ZNF254: variants seen among roughly 807,000 people sequenced by gnomAD.
ZNF254 encodes zinc finger protein 254.
Under a neutral mutation model 12.4 loss-of-function variants are expected in ZNF254, and 10 were observed. That is an observed-to-expected ratio of 0.80 (90% CI 0.50 to 1.36). The LOEUF is 1.36. Ranked by LOEUF, ZNF254 falls within the 40% of genes most tolerant of loss-of-function variation. ZNF254 has a pLI of 0.00. For synonymous variants in ZNF254, 305 were observed against 253.4 expected (o/e 1.20, Z -1.93); for missense variants, 996 against 763.9 (o/e 1.30, Z -3.58).
rs1158128872 is a variant in ZNF254, at chr19:24,128,512, T to A, written c.*532T>A. 6.6e-6 allele frequency: 1 copy of A among 152,176 alleles called. No homozygotes were observed. Among genetic ancestry groups the A allele is most frequent in the East Asian group, 1.9e-4 (1 of 5,202 alleles). 9.4% of individuals were successfully genotyped at this position (152,176 alleles called of 1,614,324 possible). A position where few individuals can be genotyped will look rare whatever the true frequency, so the allele number is the denominator to read the frequency against. Reference sequence around the variant, plus strand: ...TGTACCACAGATCTTATTGTACACATTTTATACTAGAGAAAAACCCTCAGG... The same window carrying A: ...TGTACCACAGATCTTATTGTACACAATTTATACTAGAGAAAAACCCTCAGG... On this transcript the variant is annotated 3_prime_UTR_variant, in exon 4 of 4. Transcript: ENST00000357002.
At chr19:24,113,248 A>G (rs1011440907) in intron 3 of ZNF254, among the ~76,000 whole-genome samples, 19 of 152,338 alleles carry the variant, frequency 1.2e-4, no homozygotes, top group African/African-American at 3.8e-4. Flanking sequence ...TTTTAGACCA[A>G]TATCCTTGAT....
At chr19:24,089,762 TC>T (rs1253824841) in intron 1 of ZNF254, among the ~76,000 whole-genome samples, 1 of 152,108 alleles carries the variant, frequency 6.6e-6, no homozygotes, top group Non-Finnish European at 1.5e-5. Context: ...AACCCAGCTT[TC>T]ATTTCTTAAA....
intron 1 of ZNF254, among the ~76,000 whole-genome samples, chr19:24,044,493 G>T (rs1194529973): frequency 6.6e-6 from 1 of 151,290 alleles, no homozygotes; most frequent in Non-Finnish European, 1.5e-5. Flanking sequence ...AGCCGAGATC[G>T]CGCCACTGCA....
In ZNF254 at chr19:24,105,997, C is replaced by T. The variant is rs1325574350; in HGVS notation, c.88C>T (p.Leu30=). Residue 30 remains leucine, a synonymous_variant, in exon 2 of 4, where the codon CTG becomes TTG. Coordinates refer to ENST00000357002, the MANE Select transcript of ZNF254 (RefSeq NM_203282.4). ...IEFSLEEWQH[L]DIAQQNLYRN... ...ATTCTCTCTGGAGGAGTGGCAACACCTGGACATTGCACAGCAGAATTTATA... is the reference window on the plus strand; with the variant it reads ...ATTCTCTCTGGAGGAGTGGCAACACTTGGACATTGCACAGCAGAATTTATA... 4 of 1,600,568 alleles carry T rather than the reference C, an allele frequency of 2.5e-6. No homozygotes were observed. The East Asian group carries it at 6.7e-5, about 27-fold the overall frequency.
At chr19:24,118,043 CT>C (rs1346513995) in intron 3 of ZNF254, among the ~76,000 whole-genome samples, 3 of 149,738 alleles carry the variant, frequency 2.0e-5, no homozygotes, top group South Asian at 2.1e-4. Context: ...ACATGGGTTT[CT>C]TTTTTTTCTT....
chr19:24,058,341 T>G (rs1030687551), intron 2 of ZNF254, among the ~76,000 whole-genome samples: 1 of 152,070 alleles, frequency 6.6e-6, no homozygotes, highest in African/African-American at 2.4e-5. Context: ...CTTTCCACAT[T>G]AGGCATTGGG....
chr19:24,090,922 G>GTT (rs35449033), intron 1 of ZNF254, among the ~76,000 whole-genome samples: 13 of 126,794 alleles, frequency 1.0e-4, no homozygotes, highest in African/African-American at 2.9e-4. Context: ...TCTCGGACAT[G>GTT]TTTTTTTTTA....
At chr19:24,112,853 C>T (rs957345889) in intron 3 of ZNF254, among the ~76,000 whole-genome samples, 3 of 152,024 alleles carry the variant, frequency 2.0e-5, no homozygotes, top group Admixed American at 2.0e-4. Context: ...GGAATATCAC[C>T]ACTGATCCCA....
intron 3 of ZNF254, among the ~76,000 whole-genome samples, chr19:24,112,965 C>A (rs183571884): frequency 1.5e-4 from 23 of 152,142 alleles, no homozygotes; most frequent in Admixed American, 1.1e-3. Context: ...CATACACTCT[C>A]CCAAGAGTAA....
chr19:24,085,577 G>A (rs1972008909), upstream of ZNF254, among the ~76,000 whole-genome samples: 1 of 151,404 alleles, frequency 6.6e-6, no homozygotes, highest in African/African-American at 2.4e-5. Context: ...TTTGAGACCA[G>A]CCTGAACAGC....
intron 3 of ZNF254, among the ~76,000 whole-genome samples, chr19:24,117,918 A>G (rs575900690): frequency 6.6e-6 from 1 of 151,932 alleles, no homozygotes; most frequent in Non-Finnish European, 1.5e-5. Flanking sequence ...TGCATATTTT[A>G]TATATAGATT....
At chr19:24,037,398 T>G (rs1451907913) in intron 1 of ZNF254, among the ~76,000 whole-genome samples, 2 of 152,232 alleles carry the variant, frequency 1.3e-5, no homozygotes, top group African/African-American at 4.8e-5. Context: ...TTTCCTTTTC[T>G]TAAAGCATTT....
intron 1 of ZNF254, among the ~76,000 whole-genome samples, chr19:24,043,396 G>A (rs1970252533): frequency 6.6e-6 from 1 of 152,104 alleles, no homozygotes; most frequent in Admixed American, 6.6e-5. Flanking sequence ...CGAGTAGCTG[G>A]TACGACAGGT....
intron 3 of ZNF254, among the ~76,000 whole-genome samples, chr19:24,118,323 A>T (rs1300048078): frequency 6.6e-6 from 1 of 152,122 alleles, no homozygotes; most frequent in East Asian, 1.9e-4. Context: ...AAGTGCTGGG[A>T]TTACAGGCGT....
rs1244446454 is a variant in ZNF254, at chr19:24,129,176, C to T, written c.*1196C>T. ...GAGGTAGGTGTTCAGAATAATATTCCTCTGCATTATTATGAATGAAAAGCA... is the reference window on the plus strand; with the variant it reads ...GAGGTAGGTGTTCAGAATAATATTCTTCTGCATTATTATGAATGAAAAGCA... On this transcript the variant is annotated 3_prime_UTR_variant, in exon 4 of 4. Transcript: ENST00000357002. 1.3e-5 allele frequency: 2 copies of T among 151,778 alleles called. No homozygotes were observed. The highest frequency in any genetic ancestry group is 1.3e-4 in the Admixed American group (2 of 15,230). The allele number at this position is 151,778 out of a possible 1,614,324, so 9.4% of individuals were successfully genotyped here.
intron 2 of ZNF254, among the ~76,000 whole-genome samples, chr19:24,070,251 C>T (rs1971434107): frequency 6.6e-6 from 1 of 152,234 alleles, no homozygotes; most frequent in Non-Finnish European, 1.5e-5. Flanking sequence ...TTGCGACTCA[C>T]ATGCATATTG....
At chr19:24,063,264 C>T (rs1445990809) in intron 2 of ZNF254, among the ~76,000 whole-genome samples, 1 of 152,230 alleles carries the variant, frequency 6.6e-6, no homozygotes, top group Non-Finnish European at 1.5e-5. Context: ...GACCTTTCTA[C>T]AAGTGTCATG....
intron 2 of ZNF254, among the ~76,000 whole-genome samples, chr19:24,074,930 G>A (rs1320152538): frequency 2.0e-5 from 3 of 152,074 alleles, no homozygotes; most frequent in African/African-American, 7.2e-5. Context: ...TGACATTTCT[G>A]GGCCCAGAAC....
chr19:24,084,151 A>T (rs185343975), upstream of ZNF254, among the ~76,000 whole-genome samples: 95 of 147,786 alleles, frequency 6.4e-4, no homozygotes, highest in African/African-American at 2.2e-3. Flanking sequence ...TTCTTTATAT[A>T]TATATAATAT....
Sources: gnomAD v4.1 joint callset for allele counts (sites outside exome capture counted in the v4.1 genomes callset) on GRCh38, gnomAD v4.1.1 for gene constraint, MANE v1.5 for transcripts, NCBI Gene and HGNC (gene_info 2026-07-23, HGNC 2026-07-21) for gene names.